The following SQOR variants were observed in gnomAD, a reference collection of about 807,000 sequenced individuals.
SQOR encodes the protein sulfide:quinone oxidoreductase, mitochondrial.
Under a neutral mutation model 48.6 loss-of-function variants are expected in SQOR, and 39 were observed. The ratio of observed to expected loss-of-function variants is 0.80; its 90% CI spans 0.62 to 1.05. The LOEUF (loss-of-function observed/expected upper bound fraction) is 1.05. SQOR is among the 50% of genes least tolerant of loss of function. The pLI is 0.00. For missense variants in SQOR, 561 were observed against 559.9 expected, an observed-to-expected ratio of 1.00 and a Z score of -0.02; for synonymous variants, 220 against 206.2, an observed-to-expected ratio of 1.07 and a Z score of -0.57.
chr15:45,688,714 T>C (rs1397475764), intron 8 of SQOR, among the ~76,000 whole-genome samples: 3 of 152,156 alleles, frequency 2.0e-5, no homozygotes. Flanking sequence ...GGTTTCTCCA[T>C]GTTGGTCAGG....
chr15:45,652,849 T>C (rs1280276356), intron 1 of SQOR, among the ~76,000 whole-genome samples: 6 of 151,530 alleles, frequency 4.0e-5, no homozygotes, highest in African/African-American at 1.5e-4. Context: ...CAGGCACCTG[T>C]AATCCCAGCT....
chr15:45,661,386 C>CTGG (rs1366202858), intron 2 of SQOR, among the ~76,000 whole-genome samples: 1 of 149,576 alleles, frequency 6.7e-6, no homozygotes, highest in African/African-American at 2.5e-5. Context: ...GGAGTAGGAT[C>CTGG]TGGTACTTAT....
intron 8 of SQOR, 48 bp downstream of exon 8, chr15:45,688,452 C>G (rs1890261040): frequency 4.3e-6 from 6 of 1,381,260 alleles, no homozygotes; most frequent in Middle Eastern, 1.8e-4. Context: ...ATCTTCCATT[C>G]TGTGTAAAAG....
intron 5 of SQOR, among the ~76,000 whole-genome samples, chr15:45,674,223 G>A (rs1889994951): frequency 6.6e-6 from 1 of 152,148 alleles, no homozygotes; most frequent in Non-Finnish European, 1.5e-5. Flanking sequence ...GATCACCTGA[G>A]GTTAGGAGTT....
At chr15:45,632,686 C>A (rs1005345953), upstream of SQOR, among the ~76,000 whole-genome samples, 1 of 152,058 alleles carries the variant, frequency 6.6e-6, no homozygotes, top group Non-Finnish European at 1.5e-5. Flanking sequence ...TGGGGTGAAG[C>A]ATTTTGGAAA....
At chr15:45,657,716 C>T (rs532011945) in intron 1 of SQOR, among the ~76,000 whole-genome samples, 4 of 152,308 alleles carry the variant, frequency 2.6e-5, no homozygotes, top group African/African-American at 9.6e-5. Context: ...TTTCTCTAAT[C>T]CCCTTGTGCA....
intron 4 of SQOR, 104 bp from the exon 5 acceptor site, chr15:45,673,503 T>A: frequency 7.9e-7 from 1 of 1,266,588 alleles, no homozygotes; most frequent in East Asian, 2.3e-5. Flanking sequence ...TGGAGGGTAA[T>A]GATAGTACTG....
At chr15:45,655,272 G>T (rs1439661205) in intron 1 of SQOR, among the ~76,000 whole-genome samples, 1 of 152,118 alleles carries the variant, frequency 6.6e-6, no homozygotes, top group Admixed American at 6.5e-5. Flanking sequence ...TGCCCCATGG[G>T]GCGCTTCCTA....
chr15:45,691,002 G>C lies in SQOR; in HGVS notation c.1325G>C (p.Arg442Pro). 9 of 1,614,132 alleles carry C rather than the reference G, an allele frequency of 5.6e-6. No homozygotes were observed. Among genetic ancestry groups the C allele is most frequent in the Non-Finnish European group, 7.6e-6 (9 of 1,180,024 alleles). Residue 442 changes from arginine to proline, a missense_variant, in exon 10 of 10, where the codon CGC (arginine) becomes CCC (proline). By Grantham distance (103) the Arg-to-Pro change is moderately radical. Coordinates refer to ENST00000260324, the MANE Select transcript of SQOR (RefSeq NM_021199.4). ...TACTGGGGAGGACCAGCGTTTCTGC[G>C]CAAGTTGTTTCATCTAGGTATGAGT... ...RGYWGGPAFL[R>P]KLFHLGMS
At chr15:45,652,939 A>G (rs908530628) in intron 1 of SQOR, among the ~76,000 whole-genome samples, 5 of 151,368 alleles carry the variant, frequency 3.3e-5, no homozygotes, top group Non-Finnish European at 7.4e-5. Flanking sequence ...AGCCTGGGCG[A>G]CAGAGCAAGA....
At chr15:45,650,501 C>T (rs998116764) in intron 1 of SQOR, among the ~76,000 whole-genome samples, 15 of 152,094 alleles carry the variant, frequency 9.9e-5, no homozygotes, top group Admixed American at 5.2e-4. Context: ...ACTCAAAGAG[C>T]GAGCAACAGC....
At chr15:45,659,478 A>T (rs2140948031) in intron 2 of SQOR, among the ~76,000 whole-genome samples, 1 of 152,288 alleles carries the variant, frequency 6.6e-6, no homozygotes, top group Admixed American at 6.5e-5. Context: ...GGAGGCTAGA[A>T]GCCTGAAACC....
At chr15:45,659,273 T>C (rs16946635) in intron 2 of SQOR, 116 bp downstream of exon 2, 261,915 of 821,476 alleles carry the variant, frequency 0.32, 47,021 homozygotes, top group African/African-American at 0.56. Flanking sequence ...CTTCATATGT[T>C]CAGGTTAGGG....
At chr15:45,637,987 A>G (rs1190608222) in intron 1 of SQOR, among the ~76,000 whole-genome samples, 1 of 152,256 alleles carries the variant, frequency 6.6e-6, no homozygotes, top group African/African-American at 2.4e-5. Context: ...CTGGAAGCCA[A>G]CTAGTTGCTT....
intron 1 of SQOR, among the ~76,000 whole-genome samples, chr15:45,646,639 C>G (rs1397491012): frequency 6.6e-6 from 1 of 152,202 alleles, no homozygotes; most frequent in African/African-American, 2.4e-5. Flanking sequence ...AGTGTTCACT[C>G]TGACATAGTT....
rs564692723 is a variant in SQOR at position 45,635,761 on chromosome 15, T to A, written c.-18+653T>A. ...CCCTGGCTTTGCCTGCGCTGCCCAT[T>A]GCTATAATGCAGGGCTCTGTTCCAT... On this transcript the variant is annotated intron_variant, in intron 1 of 9. Transcript: ENST00000260324. Among the ~76,000 whole-genome samples the A allele has an allele frequency of 2.0e-5, 3 of 152,312 alleles. No individual in the cohort carries two copies. In the East Asian group the frequency reaches 5.8e-4, roughly 29 times the overall value.
chr15:45,661,152 C>T (rs1308260433), intron 2 of SQOR, among the ~76,000 whole-genome samples: 2 of 151,880 alleles, frequency 1.3e-5, no homozygotes, highest in African/African-American at 4.8e-5. Context: ...CATGGTGGCA[C>T]ATGCCTGTAG....
Position 45,668,089 on chromosome 15 carries a change from C to T in SQOR, c.406-1839C>T, listed in dbSNP as rs1296980824. On this transcript the variant is annotated intron_variant, in intron 3 of 9. Coordinates refer to ENST00000260324, the MANE Select transcript of SQOR (RefSeq NM_021199.4). ...CCTCCTGAGTAGCTGGGACTACAGG[C>T]GCCCGCCACCATACCCAGCTAATTT... Among the ~76,000 whole-genome samples, 14 of 151,722 alleles carry T rather than the reference C, an allele frequency of 9.2e-5. 1 individual carries two copies. Among genetic ancestry groups the T allele is most frequent in the East Asian group, 3.9e-4 (2 of 5,138 alleles).
intron 6 of SQOR, among the ~76,000 whole-genome samples, chr15:45,681,628 A>G (rs895491279): frequency 1.3e-5 from 2 of 152,218 alleles, no homozygotes; most frequent in African/African-American, 4.8e-5. Context: ...GAACATTTCA[A>G]TCAATGTGTC....
Sources: gnomAD v4.1 joint callset for allele counts (sites outside exome capture counted in the v4.1 genomes callset) on GRCh38, gnomAD v4.1.1 for gene constraint, MANE v1.5 for transcripts, NCBI Gene and HGNC (gene_info 2026-07-23, HGNC 2026-07-21) for gene names.